The following DDR2 variants were observed in gnomAD, a reference collection of about 807,000 sequenced individuals.
DDR2 encodes discoidin domain receptor tyrosine kinase 2.
In DDR2, 27 loss-of-function variants were observed where a neutral mutation model predicts 94.9. That is an observed-to-expected ratio of 0.28 (90% CI 0.21 to 0.39). The LOEUF is 0.39. DDR2 is among the 10% of genes least tolerant of loss of function. DDR2 has a pLI of 1.00. For missense variants in DDR2, 783 were observed against 1,076.0 expected (o/e 0.73, Z 3.81); for synonymous variants, 382 against 377.2 (o/e 1.01, Z -0.15).
At chr1:162,665,501 T>C (rs1011013716) in intron 2 of DDR2, among the ~76,000 whole-genome samples, 6 of 151,932 alleles carry the variant, frequency 3.9e-5, no homozygotes, top group African/African-American at 1.4e-4. Context: ...TCCTAGCTCA[T>C]GTACCATTTC....
intron 8 of DDR2, 71 bp from the exon 9 acceptor site, chr1:162,761,140 T>A: frequency 1.9e-6 from 3 of 1,607,702 alleles, no homozygotes; most frequent in Middle Eastern, 2.1e-4. Flanking sequence ...AACTACTGAG[T>A]TGGCTGGCAC....
chr1:162,696,340 G>A (rs1660190301), intron 2 of DDR2, among the ~76,000 whole-genome samples: 1 of 151,998 alleles, frequency 6.6e-6, no homozygotes, highest in South Asian at 2.1e-4. Context: ...CCCTTTCTGA[G>A]GGAATTGTGA....
intron 2 of DDR2, among the ~76,000 whole-genome samples, chr1:162,693,772 A>T (rs560477575): frequency 1.3e-5 from 2 of 152,306 alleles, no homozygotes; most frequent in African/African-American, 4.8e-5. Flanking sequence ...AGGGAGGCTG[A>T]CAGGTATGTG....
chr1:162,652,004 G>T (rs545330867), intron 1 of DDR2, among the ~76,000 whole-genome samples: 52 of 152,318 alleles, frequency 3.4e-4, no homozygotes, highest in African/African-American at 1.2e-3. Context: ...TCATGGGAAG[G>T]GTGTTATCTT....
intron 13 of DDR2, 35 bp downstream of exon 13, chr1:162,772,282 G>A: frequency 6.2e-7 from 1 of 1,605,582 alleles, no homozygotes; most frequent in Non-Finnish European, 8.5e-7. Flanking sequence ...ATAGCTCGAA[G>A]AAGGTGGTTG....
At chr1:162,724,658 C>G (rs1661574635) in intron 3 of DDR2, among the ~76,000 whole-genome samples, 1 of 152,134 alleles carries the variant, frequency 6.6e-6, no homozygotes, top group South Asian at 2.1e-4. Flanking sequence ...CAGAGATGTG[C>G]TGAGAAGGTT....
chr1:162,749,170 G>A (rs1303957739), intron 3 of DDR2, among the ~76,000 whole-genome samples: 2 of 152,064 alleles, frequency 1.3e-5, no homozygotes, highest in Non-Finnish European at 2.9e-5. Flanking sequence ...CAGAACTGAA[G>A]GAGATAGAGA....
intron 4 of DDR2, 98 bp from the exon 5 acceptor site, chr1:162,754,526 C>G (rs150858659): frequency 1.6e-5 from 19 of 1,218,860 alleles, no homozygotes; most frequent in Non-Finnish European, 2.3e-5. Flanking sequence ...ACAGCCTGCT[C>G]TCTCCCCTCA....
intron 3 of DDR2, among the ~76,000 whole-genome samples, chr1:162,746,621 T>G (rs1343057267): frequency 2.0e-5 from 3 of 152,180 alleles, no homozygotes; most frequent in Non-Finnish European, 4.4e-5. Flanking sequence ...AAGAGAGTGG[T>G]GGTTCTCCCA....
At chr1:162,675,667 G>A (rs1208373016) in intron 2 of DDR2, among the ~76,000 whole-genome samples, 2 of 152,342 alleles carry the variant, frequency 1.3e-5, no homozygotes, top group Non-Finnish European at 2.9e-5. Context: ...GGACAGGTGA[G>A]ATCATGGAAG....
intron 2 of DDR2, among the ~76,000 whole-genome samples, chr1:162,693,122 C>T (rs1036235397): frequency 7.2e-5 from 11 of 152,000 alleles, no homozygotes; most frequent in African/African-American, 2.4e-4. Flanking sequence ...ACAGACAAAA[C>T]TATATGAGGT....
At chr1:162,725,774 C>T (rs747897568) in intron 3 of DDR2, among the ~76,000 whole-genome samples, 4 of 152,176 alleles carry the variant, frequency 2.6e-5, no homozygotes, top group Non-Finnish European at 4.4e-5. Flanking sequence ...CTACAGAGAC[C>T]CGTGAATCCC....
intron 2 of DDR2, among the ~76,000 whole-genome samples, chr1:162,717,510 G>A (rs1195960240): frequency 6.6e-6 from 1 of 152,064 alleles, no homozygotes; most frequent in East Asian, 1.9e-4. Context: ...TCTTTATTCT[G>A]ATTTCCTCAG....
At chr1:162,736,112 A>G (rs77737560) in intron 3 of DDR2, among the ~76,000 whole-genome samples, 3,030 of 152,310 alleles carry the variant, frequency 0.02, 81 homozygotes, top group African/African-American at 0.059. Context: ...GCCTGGCTAC[A>G]CAGCACAGTC....
intron 1 of DDR2, among the ~76,000 whole-genome samples, chr1:162,634,458 C>A (rs770756726): frequency 2.6e-5 from 4 of 152,170 alleles, no homozygotes; most frequent in African/African-American, 4.8e-5. Flanking sequence ...TCAGCTCTTT[C>A]GATTAGGATC....
At chr1:162,633,214 T>C (rs940133167) in intron 1 of DDR2, among the ~76,000 whole-genome samples, 3 of 152,172 alleles carry the variant, frequency 2.0e-5, no homozygotes, top group African/African-American at 7.2e-5. Flanking sequence ...GAAATACAGC[T>C]TCCCAGACTC....
chr1:162,650,297 A>AGAT (rs552522302), intron 1 of DDR2, among the ~76,000 whole-genome samples: 2 of 151,766 alleles, frequency 1.3e-5, no homozygotes, highest in East Asian at 3.9e-4. Context: ...GTTAAAAAAA[A>AGAT]AATAATAATA....
upstream of DDR2, among the ~76,000 whole-genome samples, chr1:162,632,246 A>C (rs1429616314): frequency 6.6e-6 from 1 of 152,038 alleles, no homozygotes; most frequent in Non-Finnish European, 1.5e-5. Context: ...ATGGTTATAC[A>C]TATTTTTTCT....
At position 162,668,242 on chromosome 1, in the gene DDR2, T is replaced by C. The variant is rs1658676178; in HGVS notation, c.-28+12868T>C. 2.0e-5 allele frequency among the ~76,000 whole-genome samples: 3 copies of C among 152,190 alleles called. No individual in the cohort carries two copies. In the South Asian group the frequency reaches 6.2e-4, roughly 31 times the overall value. ...ATTGGAAAGCCACTGGAAGTAAAGGTACTGTGGCAGGGGAGATCCAGGCTA... is the reference window on the plus strand; with the variant it reads ...ATTGGAAAGCCACTGGAAGTAAAGGCACTGTGGCAGGGGAGATCCAGGCTA... On this transcript the variant is annotated intron_variant, in intron 2 of 17. Transcript: ENST00000367921.
Sources: allele counts gnomAD v4.1 joint callset (sites outside exome capture counted in the v4.1 genomes callset), GRCh38; gene constraint gnomAD v4.1.1; transcripts MANE v1.5; gene names NCBI Gene and HGNC (gene_info 2026-07-23, HGNC 2026-07-21).